DLG2: variants seen among roughly 807,000 people sequenced by gnomAD.
The protein encoded by DLG2 is discs large MAGUK scaffold protein 2.
In DLG2, 45 loss-of-function variants were observed where a neutral mutation model predicts 132.5. The ratio of observed to expected loss-of-function variants is 0.34; its 90% CI spans 0.27 to 0.44. The LOEUF is 0.44. Among genes scored for constraint, DLG2 ranks in the 20% least tolerant of loss-of-function variants. The probability of loss-of-function intolerance (pLI) is 1.00; values close to 1 mark genes in which losing one functional copy is unlikely to be tolerated. For synonymous variants in DLG2, 424 were observed against 419.6 expected (o/e 1.01, Z -0.13); for missense variants, 1,045 against 1,196.9 (o/e 0.87, Z 1.87).
intron 17 of DLG2, chr11:83,790,166 C>T (rs1219685420): frequency 2.3e-6 from 2 of 864,518 alleles, no homozygotes; most frequent in African/African-American, 3.4e-5. Context: ...CCTTGAATAA[C>T]AAAAAGTTCC....
At chr11:83,630,493 TA>T (rs1380614025) in intron 19 of DLG2, among the ~76,000 whole-genome samples, 1 of 152,202 alleles carries the variant, frequency 6.6e-6, no homozygotes, top group African/African-American at 2.4e-5. Context: ...CAGAAAACTA[TA>T]AATAATACCA....
At chr11:85,202,618 A>G (rs2081553089) in intron 4 of DLG2, among the ~76,000 whole-genome samples, 1 of 152,168 alleles carries the variant, frequency 6.6e-6, no homozygotes, top group Non-Finnish European at 1.5e-5. Flanking sequence ...CACATGGAAC[A>G]TTCTCCACAA....
chr11:84,714,657 C>CTCTCTCTCTCTCTCTCTT (rs1565751150), intron 6 of DLG2, among the ~76,000 whole-genome samples: 10 of 143,562 alleles, frequency 7.0e-5, no homozygotes, highest in African/African-American at 2.8e-4. Context: ...TTCTCTCTCT[C>CTCTCTCTCTCTCTCTCTT]TCTCTCTCTC....
At chr11:84,029,634 A>T (rs1253410805) in intron 11 of DLG2, among the ~76,000 whole-genome samples, 1 of 152,230 alleles carries the variant, frequency 6.6e-6, no homozygotes, top group East Asian at 1.9e-4. Flanking sequence ...ATAATAATAA[A>T]AGTCCACACA....
intron 3 of DLG2, among the ~76,000 whole-genome samples, chr11:85,464,967 G>C (rs1189486596): frequency 6.6e-6 from 1 of 150,604 alleles, no homozygotes. Context: ...CCAGCTACTT[G>C]GGAGGCTGAG....
intron 7 of DLG2, among the ~76,000 whole-genome samples, chr11:84,357,633 G>A (rs551268972): frequency 2.0e-5 from 3 of 152,080 alleles, no homozygotes; most frequent in East Asian, 3.9e-4. Context: ...AGAATGAGAG[G>A]TCTGTGAACA....
intron 7 of DLG2, among the ~76,000 whole-genome samples, chr11:84,331,449 A>AT (rs1205775147): frequency 0.017 from 2,327 of 137,960 alleles, 31 homozygotes; most frequent in African/African-American, 0.02. Context: ...CTCAAAAAAA[A>AT]AAAAAAAAAA....
intron 14 of DLG2, among the ~76,000 whole-genome samples, chr11:83,957,586 G>T (rs2087238834): frequency 6.8e-6 from 1 of 147,394 alleles, no homozygotes; most frequent in Non-Finnish European, 1.5e-5. Context: ...ACATAAATCA[G>T]ATCAGTTTTC....
chr11:83,637,022 T>C (rs1345439649), intron 18 of DLG2, among the ~76,000 whole-genome samples: 2 of 152,144 alleles, frequency 1.3e-5, no homozygotes, highest in Non-Finnish European at 2.9e-5. Context: ...TTTATAAATA[T>C]AAATGGTGCA....
chr11:83,563,131 C>G (rs570122680), intron 19 of DLG2, among the ~76,000 whole-genome samples: 2 of 151,816 alleles, frequency 1.3e-5, no homozygotes, highest in Admixed American at 6.6e-5. Flanking sequence ...CCTGCCACCA[C>G]GCCCAGCTAA....
chr11:83,705,694 G>A (rs763892859), intron 18 of DLG2, among the ~76,000 whole-genome samples: 12 of 151,820 alleles, frequency 7.9e-5, no homozygotes, highest in Non-Finnish European at 1.5e-4. Context: ...AAGTAGAAAC[G>A]TTTACAGTTT....
intron 4 of DLG2, among the ~76,000 whole-genome samples, chr11:85,164,289 C>G (rs1327901497): frequency 1.3e-5 from 2 of 152,076 alleles, no homozygotes; most frequent in Admixed American, 6.6e-5. Context: ...TTAAAAAAAT[C>G]AGTATGCCAC....
chr11:83,952,701 ACT>A (rs61290336), intron 14 of DLG2, among the ~76,000 whole-genome samples: 116,476 of 151,858 alleles, frequency 0.77, 45,507 homozygotes, highest in East Asian at 0.84. Flanking sequence ...AAAAGCAAAA[ACT>A]CTCTCATTGC....
At chr11:85,375,218 T>A (rs1398842424) in intron 3 of DLG2, among the ~76,000 whole-genome samples, 2 of 152,144 alleles carry the variant, frequency 1.3e-5, no homozygotes, top group African/African-American at 4.8e-5. Context: ...CACAGAAGAA[T>A]AATTGTATGA....
chr11:84,968,551 AT>A (rs1461111048), intron 6 of DLG2, among the ~76,000 whole-genome samples: 2 of 152,120 alleles, frequency 1.3e-5, no homozygotes, highest in South Asian at 2.1e-4. Context: ...AAAAATTTTT[AT>A]TTTAGTTTCT....
At chr11:84,793,345 C>T (rs1367550738) in intron 6 of DLG2, among the ~76,000 whole-genome samples, 2 of 152,144 alleles carry the variant, frequency 1.3e-5, no homozygotes, top group Non-Finnish European at 2.9e-5. Context: ...TGAGAATTAT[C>T]TGTGCGCTGA....
chr11:85,503,533 T>A (rs188985537), intron 3 of DLG2, among the ~76,000 whole-genome samples: 2 of 151,818 alleles, frequency 1.3e-5, no homozygotes, highest in African/African-American at 4.8e-5. Flanking sequence ...AACAGTAGGG[T>A]TTTTAAAAGG....
intron 7 of DLG2, among the ~76,000 whole-genome samples, chr11:84,511,344 T>C (rs2099256545): frequency 6.6e-6 from 1 of 152,132 alleles, no homozygotes; most frequent in Admixed American, 6.6e-5. Flanking sequence ...ATGAACACAA[T>C]ATTTGATAAC....
intron 7 of DLG2, among the ~76,000 whole-genome samples, chr11:84,487,372 G>A (rs920974354): frequency 2.0e-5 from 3 of 151,978 alleles, no homozygotes; most frequent in South Asian, 2.1e-4. Flanking sequence ...TATAAATATT[G>A]TTTCATAAGA....
Sources: allele counts gnomAD v4.1 joint callset (sites outside exome capture counted in the v4.1 genomes callset), GRCh38; gene constraint gnomAD v4.1.1; transcripts MANE v1.5; gene names NCBI Gene and HGNC (gene_info 2026-07-23, HGNC 2026-07-21).